SEM1: variants seen among roughly 807,000 people sequenced by gnomAD.
The protein encoded by SEM1 is 26S proteasome complex subunit SEM1.
Under a neutral mutation model 12.7 loss-of-function variants are expected in SEM1, and 3 were observed. The ratio of observed to expected loss-of-function variants is 0.24; its 90% CI spans 0.11 to 0.61. The LOEUF (loss-of-function observed/expected upper bound fraction) is 0.61. Among genes scored for constraint, SEM1 ranks in the 20% least tolerant of loss-of-function variants. The pLI, the probability that SEM1 is intolerant of heterozygous loss-of-function variation, is 0.88. For synonymous variants in SEM1, 30 were observed against 27.8 expected (o/e 1.08, Z -0.25); for missense variants, 59 against 81.3 (o/e 0.73, Z 1.06).
chr7:96,673,022 T>C (rs1789360151), downstream of SEM1: 1 of 27,214 alleles, frequency 3.7e-5, no homozygotes, highest in Non-Finnish European at 1.3e-4. Context: ...ACACATAGTA[T>C]ATAAAATTAA....
intron 2 of SEM1, among the ~76,000 whole-genome samples, chr7:96,559,801 C>A (rs1805636757): frequency 6.6e-6 from 1 of 152,178 alleles, no homozygotes; most frequent in Non-Finnish European, 1.5e-5. Context: ...GGCCAATTAG[C>A]TCTAAATGAA....
intron 2 of SEM1, among the ~76,000 whole-genome samples, chr7:96,680,734 A>G (rs1314934731): frequency 6.6e-6 from 1 of 152,148 alleles, no homozygotes; most frequent in South Asian, 2.1e-4. Flanking sequence ...TGACCAGTGA[A>G]TTAAAACTAC....
rs545961725 is a variant in SEM1, at chr7:96,591,316, G to A, written c.171-84618C>T. ...CTACTCTTCATAATAAAAGACTTTC[G>A]GTTAACTTCTGAGGTTTTAAAACAA... On this transcript the variant is annotated intron_variant and NMD_transcript_variant, in intron 2 of 3. Coordinates refer to the SEM1 transcript ENST00000466986. Among the ~76,000 whole-genome samples, 7 of 152,172 alleles carry A rather than the reference G, an allele frequency of 4.6e-5. No individual in the cohort carries two copies. In the South Asian group the frequency reaches 6.2e-4, roughly 14 times the overall value.
chr7:96,507,656 T>A (rs1462607108), intron 2 of SEM1, among the ~76,000 whole-genome samples: 1 of 152,126 alleles, frequency 6.6e-6, no homozygotes, highest in African/African-American at 2.4e-5. Flanking sequence ...AATTGTGGAT[T>A]TACCTTCTTC....
intron 2 of SEM1, among the ~76,000 whole-genome samples, chr7:96,625,290 T>G (rs1209500699): frequency 6.6e-6 from 1 of 152,220 alleles, no homozygotes; most frequent in Non-Finnish European, 1.5e-5. Flanking sequence ...GCATGAAGGC[T>G]TTCACTTGCC....
downstream of SEM1, chr7:96,688,342 C>T (rs1286207339): frequency 6.6e-5 from 10 of 151,944 alleles, no homozygotes; most frequent in Non-Finnish European, 1.5e-4. Context: ...ACTTTAAGTA[C>T]CAATAATACG....
At chr7:96,593,881 A>T (rs534882316) in intron 2 of SEM1, among the ~76,000 whole-genome samples, 9 of 151,968 alleles carry the variant, frequency 5.9e-5, no homozygotes, top group Non-Finnish European at 1.3e-4. Flanking sequence ...TATAACATCT[A>T]TGTTGACTAT....
intron 2 of SEM1, among the ~76,000 whole-genome samples, chr7:96,646,456 C>G (rs1007687659): frequency 1.3e-5 from 2 of 152,174 alleles, no homozygotes; most frequent in African/African-American, 4.8e-5. Flanking sequence ...GTAGTTATTA[C>G]TGTTTGGGTC....
At chr7:96,682,945 A>G (rs1180400178) in intron 2 of SEM1, among the ~76,000 whole-genome samples, 5 of 152,170 alleles carry the variant, frequency 3.3e-5, no homozygotes, top group African/African-American at 4.8e-5. Flanking sequence ...GCCAACAAAC[A>G]TATGAAAAAG....
At chr7:96,691,050 T>C (rs894355077) in intron 2 of SEM1, among the ~76,000 whole-genome samples, 2 of 152,102 alleles carry the variant, frequency 1.3e-5, no homozygotes, top group African/African-American at 4.8e-5. Context: ...GGGTTACAGG[T>C]GTGAGCCACT....
At chr7:96,654,873 C>A (rs187902517) in intron 2 of SEM1, among the ~76,000 whole-genome samples, 4 of 152,206 alleles carry the variant, frequency 2.6e-5, no homozygotes, top group African/African-American at 7.2e-5. Flanking sequence ...GATTTGAGGT[C>A]CACAATTCGC....
intron 2 of SEM1, among the ~76,000 whole-genome samples, chr7:96,623,786 T>C (rs934648206): frequency 1.3e-5 from 2 of 152,096 alleles, no homozygotes; most frequent in Middle Eastern, 3.2e-3. Flanking sequence ...AGAAATTTAT[T>C]ATCTCAAAGT....
chr7:96,607,238 A>G (rs929068174), intron 2 of SEM1, among the ~76,000 whole-genome samples: 3 of 152,172 alleles, frequency 2.0e-5, no homozygotes, highest in Admixed American at 6.5e-5. Context: ...CAAATAAACA[A>G]ATAGATGTTG....
intron 2 of SEM1, among the ~76,000 whole-genome samples, chr7:96,534,908 T>C (rs1027614928): frequency 7.2e-5 from 11 of 152,048 alleles, no homozygotes; most frequent in Non-Finnish European, 1.3e-4. Flanking sequence ...TTAACATTTC[T>C]GTTTTAATTT....
At chr7:96,487,129 G>A (rs1802803320) in intron 1 of SEM1, among the ~76,000 whole-genome samples, 1 of 140,196 alleles carries the variant, frequency 7.1e-6, no homozygotes. Context: ...GCTGGGACTA[G>A]GGAGAGACCA....
Position 96,688,835 on chromosome 7 carries a change from A to C in SEM1, c.*89T>G, listed in dbSNP as rs1427977887. The C allele has an allele frequency of 6.8e-6, 5 of 738,938 alleles. No individual in the cohort carries two copies. The highest frequency in any genetic ancestry group is 1.2e-5 in the Non-Finnish European group (5 of 425,086). The allele number at this position is 738,938 out of a possible 1,614,324, so 45.8% of individuals were successfully genotyped here. A position where few individuals can be genotyped will look rare whatever the true frequency, so the allele number is the denominator to read the frequency against. ...AATCCAAGCAGATAATGAAATAAAC[A>C]CATTTTTTTAGTGTCCCATCCTGGG... On this transcript the variant is annotated 3_prime_UTR_variant, in exon 3 of 3. Coordinates refer to ENST00000248566, the MANE Select transcript of SEM1 (RefSeq NM_006304.2).
At chr7:96,608,853 A>G (rs1430493004) in intron 2 of SEM1, among the ~76,000 whole-genome samples, 2 of 152,138 alleles carry the variant, frequency 1.3e-5, no homozygotes, top group Non-Finnish European at 2.9e-5. Context: ...TCTACTTTTT[A>G]GCTATTGTGA....
intron 2 of SEM1, among the ~76,000 whole-genome samples, chr7:96,529,573 A>G (rs1209044784): frequency 6.6e-6 from 1 of 152,060 alleles, no homozygotes; most frequent in Non-Finnish European, 1.5e-5. Flanking sequence ...AAATTTTTGC[A>G]TTAGGAATAA....
At chr7:96,550,749 C>A (rs913917616) in intron 2 of SEM1, among the ~76,000 whole-genome samples, 1 of 152,174 alleles carries the variant, frequency 6.6e-6, no homozygotes, top group Non-Finnish European at 1.5e-5. Context: ...AAGGCAGGAT[C>A]AGCTATGCCC....
Sources: allele counts gnomAD v4.1 joint callset (sites outside exome capture counted in the v4.1 genomes callset), GRCh38; gene constraint gnomAD v4.1.1; transcripts MANE v1.5; gene names NCBI Gene and HGNC (gene_info 2026-07-23, HGNC 2026-07-21).